Variants in SLC60A1 observed in about 807,000 individuals in gnomAD.
The protein encoded by SLC60A1 is solute carrier family 60 member 1, also known as major facilitator superfamily domain containing 4.
At chr1:205,597,881 C>T in the SLC60A1 span, 11 of 1,605,820 alleles carry the variant, frequency 6.9e-6, no homozygotes, top group African/African-American at 1.3e-5. Context: ...GAGAGGGGAG[C>T]ATTTGGGGAG....
the SLC60A1 span, among the ~76,000 whole-genome samples, chr1:205,592,729 T>G: frequency 6.6e-6 from 1 of 152,156 alleles, no homozygotes; most frequent in African/African-American, 2.4e-5. Flanking sequence ...ATCCCCGTAA[T>G]GATGGGATTT....
the SLC60A1 span, chr1:205,600,408 C>T: frequency 6.2e-7 from 1 of 1,613,678 alleles, no homozygotes; most frequent in Non-Finnish European, 8.5e-7. Context: ...TTTTGTAGTT[C>T]CTACCCAAGA....
At chr1:205,579,911 G>A in the SLC60A1 span, 9 of 1,613,998 alleles carry the variant, frequency 5.6e-6, no homozygotes, top group South Asian at 8.8e-5. Flanking sequence ...CATGCAGCTG[G>A]TAAGGATGTA....
At chr1:205,581,296 T>C in the SLC60A1 span, among the ~76,000 whole-genome samples, 2 of 152,242 alleles carry the variant, frequency 1.3e-5, no homozygotes. The surrounding 1 kb of genome is among the most constrained non-coding windows in gnomAD (Gnocchi z 4.2). Flanking sequence ...CCTTCATCAA[T>C]GGTGGGATTC....
the SLC60A1 span, chr1:205,583,899 C>T: frequency 9.6e-5 from 152 of 1,575,328 alleles, no homozygotes; most frequent in Non-Finnish European, 1.2e-4. Context: ...AGAGGCCAGG[C>T]GTGGGAAGGG....
At chr1:205,581,995 T>G in the SLC60A1 span, among the ~76,000 whole-genome samples, 3 of 152,248 alleles carry the variant, frequency 2.0e-5, no homozygotes, top group East Asian at 5.8e-4. The surrounding 1 kb of genome is among the most constrained non-coding windows in gnomAD (Gnocchi z 4.2). Context: ...ATCTACCTGC[T>G]GCCCCCTCAT....
the SLC60A1 span, chr1:205,580,982 A>AC: frequency 1.9e-6 from 3 of 1,556,728 alleles, no homozygotes; most frequent in Non-Finnish European, 1.7e-6. The surrounding 1 kb of genome is among the most constrained non-coding windows in gnomAD (Gnocchi z 5.0). Flanking sequence ...ATCCCAGTCC[A>AC]CCCCACACCC....
the SLC60A1 span, among the ~76,000 whole-genome samples, chr1:205,577,487 C>T: frequency 0.54 from 82,223 of 152,072 alleles, 24,589 homozygotes; most frequent in East Asian, 0.8. This position sits in a 1 kb window ranked among gnomAD's most constrained non-coding sequence, Gnocchi z 5.2. Flanking sequence ...GTGATGCTCG[C>T]GAGCATGTGG....
chr1:205,589,273 G>A, the SLC60A1 span, among the ~76,000 whole-genome samples: 1 of 152,144 alleles, frequency 6.6e-6, no homozygotes, highest in African/African-American at 2.4e-5. Flanking sequence ...CCTGGCTGAA[G>A]TTCAAAGGCC....
the SLC60A1 span, chr1:205,592,032 G>A: frequency 2.0e-6 from 3 of 1,465,734 alleles, no homozygotes; most frequent in South Asian, 1.3e-5. Flanking sequence ...TGGGCTCCTT[G>A]GGCTAGAGAG....
At chr1:205,579,575 G>T in the SLC60A1 span, 1 of 680,752 alleles carries the variant, frequency 1.5e-6, no homozygotes, top group Non-Finnish European at 2.5e-6. Flanking sequence ...TGTTATCTGA[G>T]CAGACTTTGA....
At chr1:205,572,103 G>A in the SLC60A1 span, among the ~76,000 whole-genome samples, 1 of 152,212 alleles carries the variant, frequency 6.6e-6, no homozygotes, top group Admixed American at 6.5e-5. Flanking sequence ...ATTGGAGTGG[G>A]TGCAGGGGAA....
At chr1:205,577,522 G>A in the SLC60A1 span, among the ~76,000 whole-genome samples, 2 of 152,194 alleles carry the variant, frequency 1.3e-5, no homozygotes, top group Non-Finnish European at 2.9e-5. The surrounding 1 kb of genome is among the most constrained non-coding windows in gnomAD (Gnocchi z 5.2). Flanking sequence ...CCGCAGAGGG[G>A]TGTTAGAGGC....
At chr1:205,602,339 C>T in the SLC60A1 span, 35,351 of 152,514 alleles carry the variant, frequency 0.23, 4,869 homozygotes, top group East Asian at 0.61. Flanking sequence ...GAAAGAGAAA[C>T]GTGGCTCAAG....
the SLC60A1 span, chr1:205,580,774 A>G: frequency 1.2e-6 from 2 of 1,614,106 alleles, no homozygotes; most frequent in Non-Finnish European, 1.7e-6. This position sits in a 1 kb window ranked among gnomAD's most constrained non-coding sequence, Gnocchi z 5.0. Flanking sequence ...CCACCTCCCG[A>G]GGCCACCTGT....
At chr1:205,571,068 GA>G in the SLC60A1 span, among the ~76,000 whole-genome samples, 3 of 152,046 alleles carry the variant, frequency 2.0e-5, no homozygotes, top group South Asian at 4.2e-4. Flanking sequence ...TCACAGAAGA[GA>G]AAAAAAATCA....
the SLC60A1 span, among the ~76,000 whole-genome samples, chr1:205,591,396 C>T: frequency 0.014 from 2,128 of 149,656 alleles, 43 homozygotes; most frequent in African/African-American, 0.047. Context: ...GTGGGAGGAA[C>T]GCTTGAGCCC....
chr1:205,571,826 A>G, the SLC60A1 span, among the ~76,000 whole-genome samples: 1 of 152,366 alleles, frequency 6.6e-6, no homozygotes, highest in South Asian at 2.1e-4. Context: ...AGTGATTACC[A>G]GCTAACGCTC....
At chr1:205,586,121 T>C in the SLC60A1 span, 1 of 1,613,644 alleles carries the variant, frequency 6.2e-7, no homozygotes, top group African/African-American at 1.3e-5. Context: ...CCCCAGCCTC[T>C]TCTGGGGCTT....
Sources: gnomAD v4.1 joint callset for allele counts (sites outside exome capture counted in the v4.1 genomes callset) on GRCh38, gnomAD v4.1.1 for gene constraint, Gnocchi (gnomAD v3.1) non-coding constraint, MANE v1.5 for transcripts, NCBI Gene and HGNC (gene_info 2026-07-23, HGNC 2026-07-21) for gene names.